Variants in AK9 observed in about 807,000 individuals in gnomAD.
AK9 encodes adenylate kinase 9.
Under a neutral mutation model 239.6 loss-of-function variants are expected in AK9, and 191 were observed. That is an observed-to-expected ratio of 0.80 (90% CI 0.71 to 0.90). The LOEUF is 0.90. Among genes scored for constraint, AK9 ranks in the 40% least tolerant of loss-of-function variants. The pLI, the probability that AK9 is intolerant of heterozygous loss-of-function variation, is 0.00. For synonymous variants in AK9, 689 were observed against 721.0 expected, an observed-to-expected ratio of 0.96 and a Z score of 0.71; for missense variants, 1,995 against 2,214.7, an observed-to-expected ratio of 0.90 and a Z score of 1.99.
chr6:109,513,057 G>A (rs1191587418), intron 32 of AK9, among the ~76,000 whole-genome samples: 1 of 152,046 alleles, frequency 6.6e-6, no homozygotes, highest in East Asian at 1.9e-4. Flanking sequence ...TGGATATGAG[G>A]TCTCACTATG....
intron 17 of AK9, among the ~76,000 whole-genome samples, chr6:109,599,507 A>C (rs1791596435): frequency 6.6e-6 from 1 of 152,186 alleles, no homozygotes; most frequent in African/African-American, 2.4e-5. Context: ...GTCAGGTAGC[A>C]TGCTGCCTCC....
chr6:109,662,122 G>C (rs988409163), intron 6 of AK9, among the ~76,000 whole-genome samples: 1 of 152,196 alleles, frequency 6.6e-6, no homozygotes, highest in Non-Finnish European at 1.5e-5. Flanking sequence ...AAGTAAGACA[G>C]AGTCTAGGAG....
At chr6:109,667,867 G>A (rs1801464724) in intron 5 of AK9, among the ~76,000 whole-genome samples, 1 of 152,292 alleles carries the variant, frequency 6.6e-6, no homozygotes. Context: ...AAGCATATGT[G>A]TGCATGTGTC....
intron 32 of AK9, among the ~76,000 whole-genome samples, chr6:109,513,961 C>T (rs2128113099): frequency 6.6e-6 from 1 of 152,296 alleles, no homozygotes; most frequent in South Asian, 2.1e-4. Flanking sequence ...TCTCCCTGTC[C>T]CATGACTTCA....
At chr6:109,563,794 AATTG>A in intron 23 of AK9, 82 bp from the exon 24 acceptor site, 1 of 1,384,892 alleles carries the variant, frequency 7.2e-7, no homozygotes, top group Non-Finnish European at 9.7e-7. Context: ...ATGTTGGGAA[AATTG>A]ATTATTATTA....
intron 17 of AK9, among the ~76,000 whole-genome samples, chr6:109,609,604 C>T (rs748330596): frequency 7.2e-5 from 11 of 152,058 alleles, no homozygotes; most frequent in South Asian, 2.1e-4. Flanking sequence ...CATGAGAACC[C>T]GAGAGTCAGA....
At chr6:109,609,604 CGA>C (rs1050373548) in intron 17 of AK9, among the ~76,000 whole-genome samples, 5 of 152,058 alleles carry the variant, frequency 3.3e-5, no homozygotes, top group Non-Finnish European at 7.4e-5. Context: ...CATGAGAACC[CGA>C]GAGTCAGAGA....
intron 10 of AK9, among the ~76,000 whole-genome samples, chr6:109,635,538 A>G (rs1796612042): frequency 1.3e-5 from 2 of 152,162 alleles, no homozygotes; most frequent in South Asian, 4.1e-4. Flanking sequence ...TTCTGGAGCC[A>G]CTTAACCAGA....
chr6:109,497,589 A>G lies in AK9; in HGVS notation c.5217-26T>C, dbSNP rs1777209513. On this transcript the variant is annotated intron_variant, in intron 37 of 40. Transcript: ENST00000424296. The stretch of plus-strand genomic sequence containing the variant: ...CTGGAAGACCAAAAAACAAAACAAA[A>G]CCTCTATTGTATAATTAATATGCAG... The G allele has an allele frequency of 5.4e-6, 8 of 1,488,104 alleles. No homozygotes were observed. The Admixed American group carries it at 1.1e-4, about 21-fold the overall frequency. 92.2% of individuals were successfully genotyped at this position (1,488,104 alleles called of 1,614,324 possible).
intron 35 of AK9, among the ~76,000 whole-genome samples, chr6:109,501,354 CT>C (rs1335052064): frequency 6.6e-6 from 1 of 152,136 alleles, no homozygotes; most frequent in Admixed American, 6.5e-5. Flanking sequence ...ACCATTTCCA[CT>C]CTTCAAAAGG....
chr6:109,510,817 T>C (rs1382889633), intron 32 of AK9, among the ~76,000 whole-genome samples: 2 of 152,184 alleles, frequency 1.3e-5, no homozygotes, highest in Non-Finnish European at 2.9e-5. Flanking sequence ...ACCAGAACAG[T>C]AGTACCCAAT....
intron 5 of AK9, among the ~76,000 whole-genome samples, chr6:109,671,549 C>T (rs536908382): frequency 6.6e-6 from 1 of 152,304 alleles, no homozygotes; most frequent in South Asian, 2.1e-4. Flanking sequence ...CTCCCGCCTT[C>T]TAAGTGTGGA....
intron 31 of AK9, among the ~76,000 whole-genome samples, chr6:109,514,944 G>A (rs1003396704): frequency 6.6e-6 from 1 of 152,146 alleles, no homozygotes; most frequent in African/African-American, 2.4e-5. Flanking sequence ...TGAATCTGGT[G>A]GGACTGGTGT....
At chr6:109,573,693 G>C in intron 20 of AK9, 99 bp from the exon 21 acceptor site, 1 of 1,155,142 alleles carries the variant, frequency 8.7e-7, no homozygotes, top group East Asian at 2.6e-5. Flanking sequence ...ATATGAAATG[G>C]TCCCTGCCCT....
chr6:109,495,507 CAA>C, intron 38 of AK9, 67 bp from the exon 39 acceptor site: 1 of 1,143,348 alleles, frequency 8.7e-7, no homozygotes, highest in Non-Finnish European at 1.2e-6. Flanking sequence ...TAGGAATAGA[CAA>C]GAGACTATTA....
chr6:109,634,010 C>A (rs1796428686), intron 10 of AK9, among the ~76,000 whole-genome samples: 1 of 152,116 alleles, frequency 6.6e-6, no homozygotes, highest in Non-Finnish European at 1.5e-5. Flanking sequence ...CTTGTGGTTC[C>A]TTACCAGGGG....
intron 1 of AK9, among the ~76,000 whole-genome samples, chr6:109,689,429 T>C (rs911123391): frequency 5.3e-5 from 8 of 152,250 alleles, no homozygotes; most frequent in African/African-American, 1.9e-4. Flanking sequence ...GGGCTTTCTC[T>C]GGCTGCCAGA....
chr6:109,564,624 T>C, intron 22 of AK9, 132 bp downstream of exon 22: 1 of 625,860 alleles, frequency 1.6e-6, no homozygotes, highest in East Asian at 3.0e-5. Context: ...CAAATATTTA[T>C]GTATGTCAAT....
chr6:109,624,103 C>A (rs1795224346), intron 12 of AK9, among the ~76,000 whole-genome samples: 1 of 151,600 alleles, frequency 6.6e-6, no homozygotes, highest in South Asian at 2.1e-4. Context: ...TAATGAATTC[C>A]CAAACTCTTC....
Sources: allele counts gnomAD v4.1 joint callset (sites outside exome capture counted in the v4.1 genomes callset), GRCh38; gene constraint gnomAD v4.1.1; transcripts MANE v1.5; gene names NCBI Gene and HGNC (gene_info 2026-07-23, HGNC 2026-07-21).